The following ARHGEF37 variants were observed in gnomAD, a reference collection of about 807,000 sequenced individuals.
ARHGEF37 encodes the protein Rho guanine nucleotide exchange factor (GEF) 37.
A neutral mutation model predicts 71.1 loss-of-function variants in ARHGEF37; 55 were observed. That is an observed-to-expected ratio of 0.77 (90% CI 0.62 to 0.97). The LOEUF (loss-of-function observed/expected upper bound fraction) is 0.97, where lower values mean the gene tolerates loss of function less well. Ranked by LOEUF, ARHGEF37 falls within the 50% of genes least tolerant of loss-of-function variation. The probability of loss-of-function intolerance (pLI) is 0.00; values close to 1 mark genes in which losing one functional copy is unlikely to be tolerated. For synonymous variants in ARHGEF37, 327 were observed against 350.6 expected (o/e 0.93, Z 0.75); for missense variants, 765 against 836.8 (o/e 0.91, Z 1.06).
chr5:149,599,305 C>T (rs1047339688), intron 2 of ARHGEF37, among the ~76,000 whole-genome samples: 1 of 152,164 alleles, frequency 6.6e-6, no homozygotes, highest in African/African-American at 2.4e-5. Context: ...GAGGCCTGCT[C>T]AGCCACAGGA....
At chr5:149,620,213 T>C (rs1752498327) in intron 7 of ARHGEF37, 141 bp from the exon 8 acceptor site, 2 of 542,970 alleles carry the variant, frequency 3.7e-6, no homozygotes, top group African/African-American at 3.9e-5. Flanking sequence ...TGTGTGAGAA[T>C]AGAATCAGCT....
At chr5:149,622,124 C>T in intron 9 of ARHGEF37, 62 bp downstream of exon 9, 1 of 1,480,650 alleles carries the variant, frequency 6.8e-7, no homozygotes, top group Non-Finnish European at 9.1e-7. Context: ...GCAGCCCCAT[C>T]AGCCAGCTGT....
In ARHGEF37 at chr5:149,627,156, C is replaced by A; in HGVS notation, c.1545C>A (p.Ser515Arg). The A allele has an allele frequency of 6.2e-7, 1 of 1,614,172 alleles. No individual in the cohort carries two copies. Among genetic ancestry groups the A allele is most frequent in the Non-Finnish European group, 8.5e-7 (1 of 1,180,046 alleles). ...CTGGGAAGCTGTACCAGGTGACAAG[C>A]AACATCAGTGGGACTGGGACTCTGG... The part of the protein sequence containing the change: ...YGPGKLYQVT[S>R]NISGTGTLDL... The change falls in exon 11 of 13, where the codon AGC (serine) becomes AGA (arginine). Residue 515 changes from serine to arginine, a missense_variant. This residue lies in a region of ARHGEF37 where 390 missense variants were observed against 407.4 expected (regional missense o/e 0.96). Transcript: ENST00000333677.
intron 2 of ARHGEF37, among the ~76,000 whole-genome samples, chr5:149,598,737 CAT>C (rs201234693): frequency 5.7e-5 from 6 of 104,654 alleles, no homozygotes; most frequent in Admixed American, 4.4e-4. Flanking sequence ...AAATAAATCT[CAT>C]ATATATATAT....
chr5:149,589,263 C>G (rs1308270041), intron 1 of ARHGEF37, among the ~76,000 whole-genome samples: 1 of 151,782 alleles, frequency 6.6e-6, no homozygotes, highest in Non-Finnish European at 1.5e-5. Flanking sequence ...ATTAAATAAT[C>G]AGGATGCCCA....
At chr5:149,589,236 T>C (rs1763326078) in intron 1 of ARHGEF37, among the ~76,000 whole-genome samples, 1 of 152,132 alleles carries the variant, frequency 6.6e-6, no homozygotes, top group Non-Finnish European at 1.5e-5. Flanking sequence ...TCTTGTTACT[T>C]TTCTCTCTTG....
At chr5:149,606,682 G>T (rs569494410) in intron 3 of ARHGEF37, 1 of 152,194 alleles carries the variant, frequency 6.6e-6, no homozygotes, top group African/African-American at 2.4e-5. Context: ...TTTTGCAGAG[G>T]CGCCATGCTA....
chr5:149,602,584 C>T (rs887266310), intron 3 of ARHGEF37, among the ~76,000 whole-genome samples: 11 of 151,614 alleles, frequency 7.3e-5, no homozygotes, highest in South Asian at 2.1e-4. Context: ...ACCTTCCAGC[C>T]TCAAGGACCC....
At chr5:149,596,568 G>A (rs551428477) in intron 1 of ARHGEF37, among the ~76,000 whole-genome samples, 155 of 152,326 alleles carry the variant, frequency 1.0e-3, no homozygotes, top group African/African-American at 3.5e-3. Context: ...GCCTCCCAAA[G>A]TGCTGGGATT....
chr5:149,576,324 A>T (rs766912037), intron 1 of ARHGEF37, among the ~76,000 whole-genome samples: 38 of 152,350 alleles, frequency 2.5e-4, no homozygotes, highest in Non-Finnish European at 4.7e-4. Flanking sequence ...CAGGCTTTGA[A>T]GTCATACTTC....
chr5:149,584,974 C>G (rs1352168104), intron 1 of ARHGEF37, among the ~76,000 whole-genome samples: 2 of 152,162 alleles, frequency 1.3e-5, no homozygotes, highest in African/African-American at 4.8e-5. Flanking sequence ...GCAAGAGCCT[C>G]TTTCATTATT....
At chr5:149,621,606 TA>T (rs1403157058) in intron 8 of ARHGEF37, 126 bp from the exon 9 acceptor site, 17 of 870,902 alleles carry the variant, frequency 2.0e-5, no homozygotes, top group Non-Finnish European at 2.7e-5. Context: ...GATAACATGC[TA>T]AAGGTCCCAG....
In ARHGEF37 at chr5:149,603,090, A is replaced by C. The variant is rs112357085; in HGVS notation, c.310+1859A>C. On this transcript the variant is annotated intron_variant, in intron 3 of 12. Transcript: ENST00000333677. ...TGGGATTACAGGCGCCCGCCACCAC[A>C]CCCGGTTAATTTTTGTATTTTTAGT... Among the ~76,000 whole-genome samples, 476 of 151,538 alleles carry C rather than the reference A, an allele frequency of 3.1e-3. 3 individuals carry two copies. Among genetic ancestry groups the C allele is most frequent in the African/African-American group, 0.011 (455 of 41,280 alleles).
intron 12 of ARHGEF37, among the ~76,000 whole-genome samples, chr5:149,629,877 C>T (rs75959466): frequency 0.079 from 12,042 of 152,224 alleles, 493 homozygotes; most frequent in South Asian, 0.11. Flanking sequence ...GAATGAAACA[C>T]CGGTACATGC....
In ARHGEF37 at chr5:149,628,856, G is replaced by T. The variant is rs374649841; in HGVS notation, c.1708G>T (p.Val570Phe). The T allele has an allele frequency of 1.2e-6, 2 of 1,613,660 alleles. No individual in the cohort carries two copies. The highest frequency in any genetic ancestry group is 1.7e-6 in the Non-Finnish European group (2 of 1,179,982). ...PAGKLQLYHV[V>F]PSAEELRRQA... ...TGGGAAACTACAGCTGTACCATGTG[G>T]TCCCCAGTGCAGAGGAGCTCAGAAG... is the stretch of plus-strand genomic sequence containing the variant. Residue 570 changes from valine to phenylalanine, a missense_variant, in exon 12 of 13, where the codon GTC becomes TTC. Val to Phe is a conservative substitution (Grantham distance 50). Around this residue, in one of 5 missense-constraint regions of ARHGEF37, gnomAD observed 390 missense variants for 407.4 expected, o/e 0.96. Transcript: ENST00000333677.
chr5:149,588,912 A>G (rs956747772), intron 1 of ARHGEF37, among the ~76,000 whole-genome samples: 7 of 152,110 alleles, frequency 4.6e-5, no homozygotes, highest in African/African-American at 1.7e-4. Flanking sequence ...GCTTAGTTCC[A>G]TTTTTCCATT....
At chr5:149,624,267 G>A in intron 10 of ARHGEF37, 127 bp downstream of exon 10, 1 of 1,297,816 alleles carries the variant, frequency 7.7e-7, no homozygotes, top group East Asian at 2.4e-5. Flanking sequence ...ATGGAAATAT[G>A]TTCTCTTCTC....
chr5:149,608,421 A>T (rs1438722520), intron 3 of ARHGEF37, among the ~76,000 whole-genome samples: 1 of 151,582 alleles, frequency 6.6e-6, no homozygotes, highest in Non-Finnish European at 1.5e-5. Context: ...TGCAGGCTGG[A>T]GTGCAGTGGC....
chr5:149,595,679 G>A (rs541497617), intron 1 of ARHGEF37, among the ~76,000 whole-genome samples: 1 of 152,122 alleles, frequency 6.6e-6, no homozygotes, highest in East Asian at 1.9e-4. Context: ...TCATCTTCAG[G>A]ACATGGTTAT....
Sources: allele counts gnomAD v4.1 joint callset (sites outside exome capture counted in the v4.1 genomes callset), GRCh38; gene constraint gnomAD v4.1.1; regional missense constraint gnomAD v4.1.1; transcripts MANE v1.5; gene names NCBI Gene and HGNC (gene_info 2026-07-23, HGNC 2026-07-21).